SLC9B1: variants seen among roughly 807,000 people sequenced by gnomAD.
SLC9B1 encodes the protein sodium/hydrogen exchanger 9B1.
Under a neutral mutation model 51.7 loss-of-function variants are expected in SLC9B1, and 32 were observed. That is an observed-to-expected ratio of 0.62 (90% confidence interval 0.47 to 0.83). The LOEUF (loss-of-function observed/expected upper bound fraction) is 0.83. Ranked by LOEUF, SLC9B1 falls within the 40% of genes least tolerant of loss-of-function variation. The pLI is 0.00. For missense variants in SLC9B1, 406 were observed against 613.2 expected, an observed-to-expected ratio of 0.66 and a Z score of 3.57; for synonymous variants, 145 against 212.7, an observed-to-expected ratio of 0.68 and a Z score of 2.77.
chr4:102,904,996 A>G (rs1486346035), intron 11 of SLC9B1, among the ~76,000 whole-genome samples: 3 of 150,118 alleles, frequency 2.0e-5, no homozygotes, highest in African/African-American at 7.4e-5. Context: ...AAAAAAAAAC[A>G]ATAAAAAAGC....
intron 3 of SLC9B1, among the ~76,000 whole-genome samples, chr4:102,979,366 A>G (rs1472187665): frequency 1.3e-5 from 2 of 152,046 alleles, no homozygotes; most frequent in Non-Finnish European, 2.9e-5. Flanking sequence ...TCCTCTTTTC[A>G]TTTGTTATTC....
At position 102,965,773 on chromosome 4, in the gene SLC9B1, C is replaced by T. The variant is rs183914403; in HGVS notation, c.212-16346G>A. ...AGGCAAGTTCCTCCTAGCTATGAGCCTGTAAAATAATAAAAAAAAAAACAA... is the reference window on the plus strand; with the variant it reads ...AGGCAAGTTCCTCCTAGCTATGAGCTTGTAAAATAATAAAAAAAAAAACAA... On this transcript the variant is annotated intron_variant, in intron 3 of 11. Coordinates refer to ENST00000296422, the MANE Select transcript of SLC9B1 (RefSeq NM_139173.4). 1.5e-3 allele frequency among the ~76,000 whole-genome samples: 186 copies of T among 123,916 alleles called. 1 individual carries two copies. Among genetic ancestry groups the T allele is most frequent in the Non-Finnish European group, 1.8e-3 (107 of 61,070 alleles). The allele number at this position is 123,916 out of a possible 152,430, so 81.3% of individuals were successfully genotyped here. A position where few individuals can be genotyped will look rare whatever the true frequency, so the allele number is the denominator to read the frequency against.
At chr4:102,916,062 A>G (rs1735562948) in intron 7 of SLC9B1, among the ~76,000 whole-genome samples, 1 of 152,152 alleles carries the variant, frequency 6.6e-6, no homozygotes, top group South Asian at 2.1e-4. Context: ...ACATAAAACA[A>G]TAAACAAAAT....
intron 6 of SLC9B1, among the ~76,000 whole-genome samples, chr4:102,933,804 G>A (rs367891588): frequency 1.3e-5 from 2 of 152,150 alleles, no homozygotes; most frequent in Admixed American, 1.3e-4. Flanking sequence ...TGTGAAGATA[G>A]TCTATACTTT....
At chr4:102,929,442 CA>C (rs1736340707) in intron 7 of SLC9B1, among the ~76,000 whole-genome samples, 1 of 152,190 alleles carries the variant, frequency 6.6e-6, no homozygotes, top group Non-Finnish European at 1.5e-5. Flanking sequence ...AAGAGCCAAG[CA>C]AGTATTCAAT....
chr4:102,902,514 G>A (rs750277901), intron 11 of SLC9B1, among the ~76,000 whole-genome samples: 7 of 151,896 alleles, frequency 4.6e-5, no homozygotes, highest in Non-Finnish European at 8.8e-5. Flanking sequence ...GAACATAAAA[G>A]AACTTCCAAC....
intron 9 of SLC9B1, among the ~76,000 whole-genome samples, chr4:102,908,205 AATAT>A (rs1735149170): frequency 6.6e-6 from 1 of 152,296 alleles, no homozygotes; most frequent in Admixed American, 6.5e-5. Flanking sequence ...CTTCAGAATT[AATAT>A]ATATGGGAGA....
rs554766927 is a variant in SLC9B1, at chr4:102,947,381, A to G, written c.383-592T>C. 5.3e-5 allele frequency among the ~76,000 whole-genome samples: 8 copies of G among 152,330 alleles called. No homozygotes were observed. In the South Asian group the frequency reaches 1.7e-3, roughly 32 times the overall value. On this transcript the variant is annotated intron_variant, in intron 4 of 11. Coordinates refer to ENST00000296422, the MANE Select transcript of SLC9B1 (RefSeq NM_139173.4). Reference sequence around the variant, plus strand: ...TCTCTACTGACAGTGTACTGAATATATATTTATTTTTGAGGACAGGGTCTC... The same window carrying G: ...TCTCTACTGACAGTGTACTGAATATGTATTTATTTTTGAGGACAGGGTCTC...
intron 3 of SLC9B1, among the ~76,000 whole-genome samples, chr4:102,987,511 C>T (rs1438228971): frequency 6.6e-6 from 1 of 151,926 alleles, no homozygotes; most frequent in Non-Finnish European, 1.5e-5. Context: ...TCCATCAGAT[C>T]TAAGTTGGTT....
chr4:102,996,858 C>G (rs1740251200), intron 1 of SLC9B1, among the ~76,000 whole-genome samples: 1 of 152,076 alleles, frequency 6.6e-6, no homozygotes. Flanking sequence ...ACAATAATAG[C>G]TCACTACAGC....
intron 1 of SLC9B1, among the ~76,000 whole-genome samples, chr4:103,011,794 T>C (rs1039606453): frequency 2.0e-5 from 3 of 152,184 alleles, no homozygotes; most frequent in Non-Finnish European, 4.4e-5. Flanking sequence ...AAAGTTGACG[T>C]GGCCCTAGGC....
chr4:102,951,114 CAA>C (rs1578374051), intron 3 of SLC9B1, among the ~76,000 whole-genome samples: 2 of 152,286 alleles, frequency 1.3e-5, no homozygotes, highest in Admixed American at 1.3e-4. Flanking sequence ...CTCTGGGTGG[CAA>C]AGTCTTTTTT....
At chr4:102,909,717 G>T (rs201786188) in intron 9 of SLC9B1, among the ~76,000 whole-genome samples, 2,978 of 85,726 alleles carry the variant, frequency 0.035, no homozygotes, top group South Asian at 0.043. Flanking sequence ...AAAATGTAAG[G>T]GGGTTTGATA....
chr4:102,940,672 A>G (rs1025339917), intron 6 of SLC9B1, among the ~76,000 whole-genome samples: 7 of 152,186 alleles, frequency 4.6e-5, no homozygotes, highest in African/African-American at 1.7e-4. Flanking sequence ...CAAAAGAAAT[A>G]ATCAGCAGAG....
intron 3 of SLC9B1, among the ~76,000 whole-genome samples, chr4:102,975,629 G>A (rs1739031705): frequency 8.3e-6 from 1 of 119,788 alleles, no homozygotes; most frequent in Non-Finnish European, 1.6e-5. Flanking sequence ...GTGCAGTGGT[G>A]CAATATCGGC....
chr4:103,005,795 C>G (rs1232962200), intron 1 of SLC9B1, among the ~76,000 whole-genome samples: 1 of 152,128 alleles, frequency 6.6e-6, no homozygotes, highest in African/African-American at 2.4e-5. Flanking sequence ...AAAAAGAACT[C>G]TCAAAACCAT....
downstream of SLC9B1, among the ~76,000 whole-genome samples, chr4:102,898,817 T>G (rs1285579804): frequency 6.6e-6 from 1 of 152,236 alleles, no homozygotes; most frequent in Non-Finnish European, 1.5e-5. Flanking sequence ...AACCTTTGCC[T>G]CCCAGGTTCA....
intron 11 of SLC9B1, chr4:102,890,427 A>G (rs1734180805): frequency 6.6e-6 from 1 of 152,186 alleles, no homozygotes; most frequent in Non-Finnish European, 1.5e-5. Flanking sequence ...TTTGATACCT[A>G]CCAAAGAAGC....
chr4:103,009,058 A>G (rs1740957659), intron 1 of SLC9B1, among the ~76,000 whole-genome samples: 1 of 152,178 alleles, frequency 6.6e-6, no homozygotes, highest in African/African-American at 2.4e-5. Context: ...TTGGCCTCCC[A>G]AAGTACTGGG....
Sources: gnomAD v4.1 joint callset for allele counts (sites outside exome capture counted in the v4.1 genomes callset) on GRCh38, gnomAD v4.1.1 for gene constraint, MANE v1.5 for transcripts, NCBI Gene and HGNC (gene_info 2026-07-23, HGNC 2026-07-21) for gene names.